Variants in FMNL3 observed in about 807,000 individuals in gnomAD.
The protein encoded by FMNL3 is formin like 3, also known as formin-like protein 3.
Under a neutral mutation model 119.6 loss-of-function variants are expected in FMNL3, and 57 were observed. The ratio of observed to expected loss-of-function variants is 0.48; its 90% confidence interval spans 0.39 to 0.59. The LOEUF (loss-of-function observed/expected upper bound fraction) is 0.59, where lower values mean the gene tolerates loss of function less well. FMNL3 is among the 20% of genes least tolerant of loss of function. The pLI, the probability that FMNL3 is intolerant of heterozygous loss-of-function variation, is 0.00. For synonymous variants in FMNL3, 491 were observed against 507.3 expected (o/e 0.97, Z 0.43); for missense variants, 1,053 against 1,323.5 (o/e 0.80, Z 3.17).
rs762070409 is a variant in FMNL3 at position 49,652,034 on chromosome 12, G to C, written c.1502C>G (p.Ser501Cys). The C allele has an allele frequency of 1.2e-6, 2 of 1,610,044 alleles. No homozygotes were observed. Among genetic ancestry groups the C allele is most frequent in the South Asian group, 2.2e-5 (2 of 90,102 alleles). The change falls in exon 14 of 26, where the codon TCC (serine) becomes TGC (cysteine). Residue 501 changes from serine to cysteine, a missense_variant. Physicochemically the swap from Ser to Cys is moderately radical, Grantham distance 112. Transcript: ENST00000335154. ...GGCTGGAGCCAGAAGGTCCAGGTCGGAGGGTGGCATGCCCTCACTCAGCTC... is the reference window on the plus strand; with the variant it reads ...GGCTGGAGCCAGAAGGTCCAGGTCGCAGGGTGGCATGCCCTCACTCAGCTC... Reference protein sequence around the residue: ...PAELSEGMPPSDLDLLAPAPP... With the variant: ...PAELSEGMPPCDLDLLAPAPP...
Position 49,707,153 on chromosome 12 carries a change from C to A in FMNL3, c.28G>T (p.Val10Phe). 1 of 1,589,216 alleles carries A rather than the reference C, an allele frequency of 6.3e-7. No homozygotes were observed. Among genetic ancestry groups the A allele is most frequent in the South Asian group, 1.1e-5 (1 of 88,156 alleles). MGNLESAEG[V>F]PGEPPSVPLL... ...GGGACAGAGGGGGGCTCTCCCGGGA[C>A]CCCCTCGGCGCTCTCCAGGTTGCCC... The change falls in exon 1 of 26, where the codon GTC (valine) becomes TTC (phenylalanine). Residue 10 changes from valine to phenylalanine, a missense_variant. Transcript: ENST00000335154.
chr12:49,704,940 C>T (rs1945007698), intron 1 of FMNL3, among the ~76,000 whole-genome samples: 1 of 152,096 alleles, frequency 6.6e-6, no homozygotes, highest in Admixed American at 6.6e-5. Context: ...CCTGACTGTT[C>T]AGGAAATACC....
At chr12:49,680,489 T>A (rs549449425) in intron 1 of FMNL3, among the ~76,000 whole-genome samples, 2 of 152,308 alleles carry the variant, frequency 1.3e-5, no homozygotes, top group East Asian at 3.9e-4. Context: ...CTGCTCTAGA[T>A]CCATGAGCTG....
rs149961971 is a variant in FMNL3, at chr12:49,704,078, C to T, written c.126+2977G>A. ...TACTAAGCATATAGTAGATGCCAGA[C>T]TCTGCTAAGTATTTGACTTCCAATT... On this transcript the variant is annotated intron_variant, in intron 1 of 25. Coordinates refer to ENST00000335154, the MANE Select transcript of FMNL3 (RefSeq NM_175736.5). Among the ~76,000 whole-genome samples the T allele has an allele frequency of 3.8e-4, 58 of 152,268 alleles. 1 individual carries two copies. The highest frequency in any genetic ancestry group is 1.1e-3 in the African/African-American group (44 of 41,528).
intron 4 of FMNL3, among the ~76,000 whole-genome samples, chr12:49,663,433 A>G (rs1943796416): frequency 1.3e-5 from 2 of 152,196 alleles, no homozygotes; most frequent in Admixed American, 6.5e-5. Flanking sequence ...GGCTGTGACC[A>G]AAGCAGGATC....
In FMNL3 at chr12:49,642,070, T is replaced by C; in HGVS notation, c.*3745A>G. On this transcript the variant is annotated 3_prime_UTR_variant, in exon 26 of 26. Transcript: ENST00000335154. The surrounding 1 kb of genome is among the most constrained non-coding windows in gnomAD (Gnocchi z 5.8). ...TGGGAAGTTCTCTAATTCATCTGTGTCTTGCTCCATTCCTTCTCACTCACT... is the reference window on the plus strand; with the variant it reads ...TGGGAAGTTCTCTAATTCATCTGTGCCTTGCTCCATTCCTTCTCACTCACT... 6.2e-7 allele frequency: 1 copy of C among 1,605,918 alleles called. No homozygotes were observed. Among genetic ancestry groups the C allele is most frequent in the South Asian group, 1.1e-5 (1 of 90,960 alleles).
chr12:49,659,872 G>A (rs1474496039), intron 5 of FMNL3: 2 of 985,420 alleles, frequency 2.0e-6, no homozygotes, highest in Non-Finnish European at 2.4e-6. Context: ...GGTCATTAAA[G>A]ACTAAGGGAG....
At chr12:49,695,867 A>G (rs1325827593) in intron 1 of FMNL3, among the ~76,000 whole-genome samples, 2 of 152,068 alleles carry the variant, frequency 1.3e-5, no homozygotes, top group African/African-American at 4.8e-5. Flanking sequence ...TTGCTAGAGA[A>G]ACAAACGTTC....
Position 49,648,229 on chromosome 12 carries a change from T to C in FMNL3, c.2640A>G (p.Lys880=), listed in dbSNP as rs573597206. 123 of 1,613,914 alleles carry C rather than the reference T, an allele frequency of 7.6e-5. No homozygotes were observed. In the South Asian group the frequency reaches 1.3e-3, roughly 17 times the overall value. The change falls in exon 22 of 26, where the codon AAA becomes AAG. Residue 880 remains lysine, a synonymous_variant. Coordinates refer to ENST00000335154, the MANE Select transcript of FMNL3 (RefSeq NM_175736.5). ...LRNFLSTNEG[K]LDKLQRDAKT... is the part of the protein sequence containing the mutation. ...TGGCGTCCCGCTGGAGCTTGTCTAGTTTGCCTTCATTGGTACTGAGGAAGT... is the reference window on the plus strand; with the variant it reads ...TGGCGTCCCGCTGGAGCTTGTCTAGCTTGCCTTCATTGGTACTGAGGAAGT...
Position 49,647,198 on chromosome 12 carries a change from C to T in FMNL3, c.2871+78G>A. On this transcript the variant is annotated intron_variant, in intron 24 of 25. Coordinates refer to ENST00000335154, the MANE Select transcript of FMNL3 (RefSeq NM_175736.5). This position sits in a 1 kb window ranked among gnomAD's most constrained non-coding sequence, Gnocchi z 4.9. ...TGGTCTGTCCACTCCAAGTTTTCAT[C>T]TCCTCTAGCCTTCTGACCCCCAGCC... 1 of 1,585,114 alleles carries T rather than the reference C, an allele frequency of 6.3e-7. No homozygotes were observed. Among genetic ancestry groups the T allele is most frequent in the Non-Finnish European group, 8.6e-7 (1 of 1,156,284 alleles).
chr12:49,651,197 T>G lies in FMNL3; in HGVS notation c.1768A>C (p.Ser590Arg). 6.2e-7 allele frequency: 1 copy of G among 1,613,644 alleles called. No individual in the cohort carries two copies. The highest frequency in any genetic ancestry group is 8.5e-7 in the Non-Finnish European group (1 of 1,179,568). The change falls in exon 16 of 26, where the codon AGC becomes CGC. Residue 590 changes from serine to arginine, a missense_variant. Ser to Arg is a moderately radical substitution (Grantham distance 110, BLOSUM62 -1). Coordinates refer to ENST00000335154, the MANE Select transcript of FMNL3 (RefSeq NM_175736.5). ...KPNQISGTVF[S>R]ELDDEKILED... ...AAGATCTTCTCATCATCAAGTTCGC[T>G]GAAGACAGTGCCACTGATCTGGTTG...
Position 49,643,666 on chromosome 12 carries a change from TTAG to T in FMNL3, c.*2146_*2148del. 1.9e-6 allele frequency: 3 copies of T among 1,609,562 alleles called. No homozygotes were observed. In the African/African-American group the frequency reaches 4.0e-5, roughly 22 times the overall value. On this transcript the variant is annotated 3_prime_UTR_variant, in exon 26 of 26. Coordinates refer to ENST00000335154, the MANE Select transcript of FMNL3 (RefSeq NM_175736.5). The stretch of plus-strand genomic sequence containing the variant: ...GAGCCTGTCTTTCTCCTGTTGGGAC[TTAG>T]TAGGGATTTTTCTATCTCTAGATCA...
intron 1 of FMNL3, among the ~76,000 whole-genome samples, chr12:49,700,629 T>C (rs1288434883): frequency 7.0e-6 from 1 of 143,308 alleles, no homozygotes. Context: ...GCAGAAGAAT[T>C]GCTTGAACCC....
Position 49,649,015 on chromosome 12 carries a change from C to T in FMNL3, c.2515+14G>A. On this transcript the variant is annotated intron_variant, in intron 21 of 25. Transcript: ENST00000335154. This position sits in a 1 kb window ranked among gnomAD's most constrained non-coding sequence, Gnocchi z 5.6. ...GGATGTGAGGGCAGGCCCACCCAGC[C>T]AGGCTCTCCTCACCTGCTGCAGCCT... The T allele has an allele frequency of 6.4e-7, 1 of 1,574,376 alleles. No individual in the cohort carries two copies. The highest frequency in any genetic ancestry group is 1.2e-5 in the South Asian group (1 of 82,566).
chr12:49,654,010 C>G, intron 11 of FMNL3, 136 bp from the exon 12 acceptor site: 1 of 1,341,482 alleles, frequency 7.5e-7, no homozygotes, highest in South Asian at 1.4e-5. Flanking sequence ...ATGTCAGATT[C>G]TCGCCCCCAT....
chr12:49,667,235 TATA>T (rs1337491500), intron 2 of FMNL3, among the ~76,000 whole-genome samples: 1 of 151,872 alleles, frequency 6.6e-6, no homozygotes, highest in East Asian at 1.9e-4. Context: ...AGGAGAATGA[TATA>T]ATGTTAGAGA....
At chr12:49,665,078 T>TTC (rs150114444) in intron 4 of FMNL3, among the ~76,000 whole-genome samples, 4 of 150,712 alleles carry the variant, frequency 2.7e-5, no homozygotes, top group Non-Finnish European at 5.9e-5. Context: ...TATACACACT[T>TTC]TCTCTCTCTC....
At chr12:49,679,757 G>A (rs142400078) in intron 1 of FMNL3, among the ~76,000 whole-genome samples, 23 of 152,142 alleles carry the variant, frequency 1.5e-4, no homozygotes, top group African/African-American at 5.1e-4. Context: ...CCAGGCTCAC[G>A]CAATCCACCC....
At chr12:49,662,957 G>A (rs533708568) in intron 4 of FMNL3, among the ~76,000 whole-genome samples, 48 of 152,250 alleles carry the variant, frequency 3.2e-4, no homozygotes, top group African/African-American at 1.1e-3. Context: ...GTCTTTATAG[G>A]AAAGCTCCTC....
Sources: allele counts gnomAD v4.1 joint callset (sites outside exome capture counted in the v4.1 genomes callset), GRCh38; gene constraint gnomAD v4.1.1; non-coding constraint Gnocchi (gnomAD v3.1); transcripts MANE v1.5; gene names NCBI Gene and HGNC (gene_info 2026-07-23, HGNC 2026-07-21).